The following PRPF18 variants were observed in gnomAD, a reference collection of about 807,000 sequenced individuals.
PRPF18 encodes the protein pre-mRNA-splicing factor 18.
Under a neutral mutation model 46.5 loss-of-function variants are expected in PRPF18, and 38 were observed. That is an observed-to-expected ratio of 0.82 (90% CI 0.63 to 1.07). The LOEUF (loss-of-function observed/expected upper bound fraction) is 1.07. Among genes scored for constraint, PRPF18 ranks in the 50% least tolerant of loss-of-function variants. The pLI is 0.00. For missense variants in PRPF18, 263 were observed against 410.0 expected, an observed-to-expected ratio of 0.64 and a Z score of 3.10; for synonymous variants, 152 against 146.7, an observed-to-expected ratio of 1.04 and a Z score of -0.26.
chr10:13,587,340 A>G (rs1164784860), intron 1 of PRPF18, 188 bp downstream of exon 1: 1 of 638,390 alleles, frequency 1.6e-6, no homozygotes, highest in Non-Finnish European at 2.8e-6. Flanking sequence ...GCTGGAGAAT[A>G]GGGTCTGAGA....
chr10:13,611,692 C>A lies in PRPF18; in HGVS notation c.579+9C>A, dbSNP rs773235010. 1 of 1,612,060 alleles carries A rather than the reference C, an allele frequency of 6.2e-7. No individual in the cohort carries two copies. Among genetic ancestry groups the A allele is most frequent in the Admixed American group, 1.7e-5 (1 of 59,960 alleles). Reference sequence around the variant, plus strand: ...TCACCAAATTCCTGAAGGTGCGTGTCTTAGGCGAGGGGATGAGGATGCCTT... The same window carrying A: ...TCACCAAATTCCTGAAGGTGCGTGTATTAGGCGAGGGGATGAGGATGCCTT... On this transcript the variant is annotated intron_variant, in intron 6 of 9. Transcript: ENST00000378572.
chr10:13,606,025 G>A (rs1339339101), intron 4 of PRPF18, among the ~76,000 whole-genome samples: 1 of 151,942 alleles, frequency 6.6e-6, no homozygotes. Flanking sequence ...GAAGAATAGC[G>A]AATGGATGCT....
the PRPF18 span, chr10:13,649,343 A>C: frequency 7.8e-6 from 1 of 127,952 alleles, no homozygotes; most frequent in Non-Finnish European, 1.9e-5. Context: ...TGGTATGTGA[A>C]GAGCCTAACT....
chr10:13,592,908 T>C (rs1055803280), intron 1 of PRPF18, among the ~76,000 whole-genome samples: 3 of 152,242 alleles, frequency 2.0e-5, no homozygotes, highest in Non-Finnish European at 2.9e-5. Context: ...AGCATAGCGC[T>C]GGCATAAAGA....
chr10:13,650,468 A>G, the PRPF18 span, among the ~76,000 whole-genome samples: 2 of 152,230 alleles, frequency 1.3e-5, no homozygotes, highest in Non-Finnish European at 1.5e-5. Context: ...CAGTGCCTAC[A>G]TTCCCACCGC....
chr10:13,639,355 A>C, the PRPF18 span: 2 of 152,212 alleles, frequency 1.3e-5, no homozygotes, highest in Non-Finnish European at 2.9e-5. Context: ...AGAGACTTTG[A>C]GAGAATTAGT....
chr10:13,606,521 G>A (rs1181999600), intron 4 of PRPF18, among the ~76,000 whole-genome samples: 1 of 152,126 alleles, frequency 6.6e-6, no homozygotes, highest in Non-Finnish European at 1.5e-5. Flanking sequence ...TGGATCACAA[G>A]GTGAAGAGAT....
chr10:13,621,559 T>C (rs1255645199), intron 9 of PRPF18, among the ~76,000 whole-genome samples: 1 of 152,204 alleles, frequency 6.6e-6, no homozygotes, highest in African/African-American at 2.4e-5. Flanking sequence ...GCTAGGTTGC[T>C]CTACTGTGTC....
At chr10:13,649,976 G>A in the PRPF18 span, among the ~76,000 whole-genome samples, 1 of 152,202 alleles carries the variant, frequency 6.6e-6, no homozygotes, top group Non-Finnish European at 1.5e-5. Context: ...TTAGCCCTGG[G>A]CAGTCTGGGT....
At chr10:13,594,288 ATTCTAT>A (rs1404166096) in intron 1 of PRPF18, among the ~76,000 whole-genome samples, 1 of 152,252 alleles carries the variant, frequency 6.6e-6, no homozygotes, top group African/African-American at 2.4e-5. Context: ...TAGTAGTTGG[ATTCTAT>A]TTCTCTCTCC....
chr10:13,637,732 A>G, the PRPF18 span: 1 of 152,250 alleles, frequency 6.6e-6, no homozygotes, highest in South Asian at 2.1e-4. Flanking sequence ...AAATCAAATC[A>G]TATGTCAAGC....
chr10:13,607,935 A>T lies in PRPF18; in HGVS notation c.364-2104A>T, dbSNP rs191450409. ...TGTTTTGCTTTCATGGTACAGTTCTACAAATGTCAGTGATGATAGTGTTGT... is the reference window on the plus strand; with the variant it reads ...TGTTTTGCTTTCATGGTACAGTTCTTCAAATGTCAGTGATGATAGTGTTGT... On this transcript the variant is annotated intron_variant, in intron 4 of 9. Transcript: ENST00000378572. Among the ~76,000 whole-genome samples the T allele has an allele frequency of 3.4e-3, 523 of 152,288 alleles. 3 individuals are homozygous for T. The highest frequency in any genetic ancestry group is 0.024 in the Middle Eastern group (7 of 292).
chr10:13,637,390 CGTT>C, the PRPF18 span, among the ~76,000 whole-genome samples: 150 of 152,238 alleles, frequency 9.9e-4, no homozygotes, highest in African/African-American at 3.5e-3. Flanking sequence ...AATGGTATCA[CGTT>C]GTGGCTTTAA....
At chr10:13,637,989 A>G in the PRPF18 span, 4 of 152,344 alleles carry the variant, frequency 2.6e-5, no homozygotes, top group East Asian at 3.9e-4. Context: ...CTCCTTCTCT[A>G]CTAACAGAGC....
chr10:13,654,478 C>T, the PRPF18 span: 78 of 1,613,784 alleles, frequency 4.8e-5, no homozygotes, highest in African/African-American at 2.5e-4. Context: ...TTTCACTTGA[C>T]GGTGTCGAGC....
At chr10:13,609,505 CT>C (rs1408969427) in intron 4 of PRPF18, among the ~76,000 whole-genome samples, 1 of 152,182 alleles carries the variant, frequency 6.6e-6, no homozygotes, top group African/African-American at 2.4e-5. Context: ...GAAGATGAGG[CT>C]TCCATTTTCA....
chr10:13,643,061 A>C, the PRPF18 span: 2 of 152,278 alleles, frequency 1.3e-5, no homozygotes, highest in African/African-American at 2.4e-5. Flanking sequence ...CAAGTCAGTC[A>C]GTCACCATTT....
At chr10:13,605,860 C>T (rs2080176508) in intron 4 of PRPF18, 116 bp downstream of exon 4, 1 of 1,331,986 alleles carries the variant, frequency 7.5e-7, no homozygotes, top group Non-Finnish European at 9.8e-7. Context: ...CAGATTATTG[C>T]TGCTGAATGG....
At chr10:13,627,723 A>T (rs1164323435) in intron 9 of PRPF18, among the ~76,000 whole-genome samples, 1 of 152,218 alleles carries the variant, frequency 6.6e-6, no homozygotes, top group Non-Finnish European at 1.5e-5. Context: ...GAACACTAGT[A>T]TATGTTTTTA....
Sources: gnomAD v4.1 joint callset for allele counts (sites outside exome capture counted in the v4.1 genomes callset) on GRCh38, gnomAD v4.1.1 for gene constraint, MANE v1.5 for transcripts, NCBI Gene and HGNC (gene_info 2026-07-23, HGNC 2026-07-21) for gene names.